The following UVSSA variants were observed in gnomAD, a reference collection of about 807,000 sequenced individuals.
UVSSA encodes UV stimulated scaffold protein A.
In UVSSA, 72 loss-of-function variants were observed where a neutral mutation model predicts 73.9. That is an observed-to-expected ratio of 0.97 (90% CI 0.81 to 1.19). The LOEUF is 1.19. Ranked by LOEUF, UVSSA falls within the 50% of genes most tolerant of loss-of-function variation. UVSSA has a pLI of 0.00. For synonymous variants in UVSSA, 454 were observed against 391.3 expected (o/e 1.16, Z -1.89); for missense variants, 1,150 against 965.0 (o/e 1.19, Z -2.54).
chr4:1,345,973 T>C (rs935634406), upstream of UVSSA, among the ~76,000 whole-genome samples: 1 of 151,860 alleles, frequency 6.6e-6, no homozygotes, highest in African/African-American at 2.4e-5. Flanking sequence ...CAAGGGGCGC[T>C]GAGGGAGGGT....
chr4:1,383,826 C>T lies in UVSSA; in HGVS notation c.1922C>T (p.Ser641Leu), dbSNP rs1405171678. 3.1e-6 allele frequency: 5 copies of T among 1,613,526 alleles called. No individual in the cohort carries two copies. The highest frequency in any genetic ancestry group is 3.3e-5 in the Admixed American group (2 of 60,004). ...GCAGCCACAGGGCAGGATCTCGGCT[C>T]ATCCAGGTACAGCGGGAAAGGCAGG... is the stretch of plus-strand genomic sequence containing the variant. ...VEAATGQDLG[S>L]SRYSGKGRGK... Residue 641 changes from serine to leucine, a missense_variant, in exon 13 of 14, where the codon TCA becomes TTA. Transcript: ENST00000389851.
exon 14 of UVSSA, chr4:1,394,022 G>A (rs771144631): frequency 1.1e-4 from 26 of 231,580 alleles, no homozygotes; most frequent in Non-Finnish European, 1.9e-4. Flanking sequence ...GCTCCATCGC[G>A]GTTCTGCTGA....
chr4:1,383,704 C>G, intron 12 of UVSSA, 62 bp from the exon 13 acceptor site: 2 of 1,601,398 alleles, frequency 1.2e-6, no homozygotes, highest in Non-Finnish European at 1.7e-6. Flanking sequence ...TCCTGGGGGC[C>G]TCGGGTAAGA....
At chr4:1,345,876 A>C (rs1464216499), upstream of UVSSA, among the ~76,000 whole-genome samples, 1 of 151,900 alleles carries the variant, frequency 6.6e-6, no homozygotes, top group African/African-American at 2.4e-5. Flanking sequence ...TAGTAACAAC[A>C]AAAAAAACCA....
chr4:1,374,632 C>T (rs1175866990), intron 8 of UVSSA, among the ~76,000 whole-genome samples: 2 of 152,188 alleles, frequency 1.3e-5, no homozygotes, highest in Admixed American at 6.5e-5. Context: ...GGACCCTCTT[C>T]GACGGGCACT....
At chr4:1,389,784 C>G (rs866374662), downstream of UVSSA, 10 of 152,322 alleles carry the variant, frequency 6.6e-5, no homozygotes, top group African/African-American at 2.4e-4. Flanking sequence ...CTTGACCTCT[C>G]AAAGTGCTGG....
intron 3 of UVSSA, among the ~76,000 whole-genome samples, chr4:1,350,907 TTGA>T (rs768191264): frequency 4.6e-5 from 7 of 152,208 alleles, no homozygotes; most frequent in Non-Finnish European, 8.8e-5. Context: ...GTTGTTGTTG[TTGA>T]TGATGTTGTT....
rs1465015985 is a variant in UVSSA, at chr4:1,386,965, TG to T, written c.*1005del. ...AACTCCTAGCCTCAAGCGATCCTCC[TG>T]CTTCGGTCTCCCAAAGTGTTGGGAT... On this transcript the variant is annotated 3_prime_UTR_variant, in exon 14 of 14. Transcript: ENST00000389851. 2 of 152,002 alleles carry T rather than the reference TG, an allele frequency of 1.3e-5. No individual in the cohort carries two copies. Among genetic ancestry groups the T allele is most frequent in the Admixed American group, 6.6e-5 (1 of 15,248 alleles). The allele number at this position is 152,002 out of a possible 1,614,324, so 9.4% of individuals were successfully genotyped here.
At chr4:1,375,579 C>T (rs551245196) in intron 9 of UVSSA, 71 bp downstream of exon 9, 104 of 1,550,636 alleles carry the variant, frequency 6.7e-5, no homozygotes, top group East Asian at 2.3e-4. Flanking sequence ...GAGCACTGGC[C>T]GGCCTCGAGA....
intron 12 of UVSSA, among the ~76,000 whole-genome samples, chr4:1,382,325 C>A (rs549918792): frequency 1.3e-5 from 2 of 152,226 alleles, no homozygotes; most frequent in Non-Finnish European, 2.9e-5. Flanking sequence ...AGGCCGCGGG[C>A]TGCGGCCAGC....
At position 1,386,552 on chromosome 4, in the gene UVSSA, G is replaced by C. The variant is rs62284756; in HGVS notation, c.*591G>C. 467 of 153,244 alleles carry C rather than the reference G, an allele frequency of 3.0e-3. No individual in the cohort carries two copies. Among genetic ancestry groups the C allele is most frequent in the Middle Eastern group, 6.8e-3 (2 of 294 alleles). The allele number at this position is 153,244 out of a possible 1,614,324, so 9.5% of individuals were successfully genotyped here. On this transcript the variant is annotated 3_prime_UTR_variant, in exon 14 of 14. Transcript: ENST00000389851. ...TATAAAACAAAGGAGGTGAAAACCT[G>C]TCCATGCGGAAGCTTGTGCACCCAT... is the stretch of plus-strand genomic sequence containing the variant.
rs139486277 is a variant in UVSSA, at chr4:1,395,012, G to A, written c.*9051G>A. The stretch of plus-strand genomic sequence containing the variant: ...TCACACGTGCCGACGTGGAGTGCCC[G>A]CCTGCTCACACGTGCCCATGTGGAG... On this transcript the variant is annotated 3_prime_UTR_variant, in exon 14 of 14. Coordinates refer to the UVSSA transcript ENST00000511216. 15 of 1,570,874 alleles carry A rather than the reference G, an allele frequency of 9.5e-6. 1 individual carries two copies. The South Asian group carries it at 1.0e-4, about 11-fold the overall frequency.
Position 1,353,389 on chromosome 4 carries a change from A to G in UVSSA, c.910A>G (p.Thr304Ala), listed in dbSNP as rs1259078028. ...CCACGGGCTGGGCTCGCACAAGTAC[A>G]CGCTGGATGTGGAGCTCTGCTCAGG... The part of the protein sequence containing the change: ...RSHGLGSHKY[T>A]LDVELCSEGL... Residue 304 changes from threonine to alanine, a missense_variant, in exon 5 of 14, where the codon ACG (threonine) becomes GCG (alanine). Transcript: ENST00000389851. The G allele has an allele frequency of 4.4e-6, 7 of 1,585,212 alleles. No individual in the cohort carries two copies. Among genetic ancestry groups the G allele is most frequent in the African/African-American group, 1.3e-5 (1 of 74,406 alleles).
intron 7 of UVSSA, among the ~76,000 whole-genome samples, chr4:1,362,706 T>G (rs1716816010): frequency 1.3e-5 from 2 of 152,212 alleles, no homozygotes; most frequent in Admixed American, 1.3e-4. Flanking sequence ...GGGTGGCTCT[T>G]GCCTGTCACC....
At position 1,380,893 on chromosome 4, in the gene UVSSA, G is replaced by T. The variant is rs1283008450; in HGVS notation, c.1766G>T (p.Gly589Val). ...CTCGCTGTGCAGTGCCCTTTCCATG[G>T]GAAGATTGTTCCACGGGACGACGAA... is the stretch of plus-strand genomic sequence containing the variant. ...RQDRLKCPFH[G>V]KIVPRDDEGR... The change falls in exon 12 of 14, where the codon GGG becomes GTG. Residue 589 changes from glycine to valine, a missense_variant. Transcript: ENST00000389851. 13 of 1,613,014 alleles carry T rather than the reference G, an allele frequency of 8.1e-6. No homozygotes were observed. Among genetic ancestry groups the T allele is most frequent in the Non-Finnish European group, 8.5e-6 (10 of 1,179,896 alleles).
rs200262507 is a variant in UVSSA, at chr4:1,349,637, G to A, written c.212G>A (p.Arg71Lys). ...CAGATTGTGGAGGAACTCTTCGTCAGGTCTCACCAGTTCCGGATGCTGGTT... is the reference window on the plus strand; with the variant it reads ...CAGATTGTGGAGGAACTCTTCGTCAAGTCTCACCAGTTCCGGATGCTGGTT... ...AFQIVEELFV[R>K]SHQFRMLVVS... Residue 71 changes from arginine to lysine, a missense_variant, in exon 3 of 14, where the codon AGG (arginine) becomes AAG (lysine). Arg to Lys is a conservative substitution (Grantham distance 26). Coordinates refer to ENST00000389851, the MANE Select transcript of UVSSA (RefSeq NM_020894.4). 37 of 1,614,006 alleles carry A rather than the reference G, an allele frequency of 2.3e-5. No homozygotes were observed. The highest frequency in any genetic ancestry group is 3.1e-5 in the Non-Finnish European group (36 of 1,180,024).
intron 11 of UVSSA, chr4:1,380,634 G>C: frequency 6.6e-7 from 1 of 1,519,138 alleles, no homozygotes; most frequent in Non-Finnish European, 8.8e-7. Flanking sequence ...GGATGAGGGA[G>C]GCCTAGACTT....
chr4:1,351,963 G>T (rs1714828294), intron 4 of UVSSA, 128 bp downstream of exon 4: 70 of 1,430,858 alleles, frequency 4.9e-5, no homozygotes, highest in Non-Finnish European at 6.3e-5. Flanking sequence ...AGGTGGAGAG[G>T]ATTCAGGTCG....
chr4:1,375,641 C>T (rs1458861290), intron 9 of UVSSA, 133 bp downstream of exon 9: 1 of 1,396,744 alleles, frequency 7.2e-7, no homozygotes, highest in Admixed American at 2.4e-5. Context: ...GGGTGTGTAC[C>T]CCCGGCCGGG....
Sources: gnomAD v4.1 joint callset for allele counts (sites outside exome capture counted in the v4.1 genomes callset) on GRCh38, gnomAD v4.1.1 for gene constraint, MANE v1.5 for transcripts, NCBI Gene and HGNC (gene_info 2026-07-23, HGNC 2026-07-21) for gene names.